IPO8: variants seen among roughly 807,000 people sequenced by gnomAD.
IPO8 encodes the protein importin 8, also known as importin-8.
Under a neutral mutation model 141.2 loss-of-function variants are expected in IPO8, and 65 were observed. That is an observed-to-expected ratio of 0.46 (90% CI 0.38 to 0.57). The LOEUF (loss-of-function observed/expected upper bound fraction) is 0.57, where lower values mean the gene tolerates loss of function less well. IPO8 is among the 20% of genes least tolerant of loss of function. IPO8 has a pLI of 0.00. For synonymous variants in IPO8, 411 were observed against 420.3 expected (o/e 0.98, Z 0.27); for missense variants, 980 against 1,246.8 (o/e 0.79, Z 3.22).
At chr12:30,689,141 T>C (rs986165068) in intron 2 of IPO8, among the ~76,000 whole-genome samples, 4 of 152,052 alleles carry the variant, frequency 2.6e-5, no homozygotes, top group African/African-American at 9.7e-5. Context: ...AAAAAAAGAA[T>C]TGGAGAGCCA....
At chr12:30,665,371 T>C (rs1034630816) in intron 12 of IPO8, 62 bp from the exon 13 acceptor site, 10 of 945,528 alleles carry the variant, frequency 1.1e-5, no homozygotes, top group African/African-American at 3.3e-5. Flanking sequence ...CACTTCCTAA[T>C]CAAGTGTGTT....
At chr12:30,650,654 G>A (rs530891212) in intron 19 of IPO8, among the ~76,000 whole-genome samples, 6 of 152,070 alleles carry the variant, frequency 3.9e-5, no homozygotes, top group African/African-American at 7.2e-5. Context: ...TCATGGGGTC[G>A]TATGATACAA....
At position 30,681,769 on chromosome 12, in the gene IPO8, A is replaced by G. The variant is rs200435990; in HGVS notation, c.372T>C (p.Pro124=). The part of the protein sequence containing the change: ...CLRAIIKHDF[P]GHWPGVVDKI... ...TGTCGACCACTCCTGGCCAGTGACC[A>G]GGAAAATCATGTTTTATGATGGCAC... Residue 124 remains proline, a synonymous_variant, in exon 4 of 25, where the codon CCT becomes CCC. Transcript: ENST00000256079. The G allele has an allele frequency of 6.2e-7, 1 of 1,613,788 alleles. No individual in the cohort carries two copies. Among genetic ancestry groups the G allele is most frequent in the East Asian group, 2.2e-5 (1 of 44,862 alleles).
chr12:30,695,677 G>A lies in IPO8; in HGVS notation c.-30C>T, dbSNP rs771399063. On this transcript the variant is annotated 5_prime_UTR_variant, in exon 1 of 25. Transcript: ENST00000256079. The surrounding 1 kb of genome is among the most constrained non-coding windows in gnomAD (Gnocchi z 4.2). ...CCGGGTGGGGGCTCCGCGGCCCCCG[G>A]AACAGTAGGCCGGACTGCAGCTTTA... 1 of 1,597,472 alleles carries A rather than the reference G, an allele frequency of 6.3e-7. No homozygotes were observed. The highest frequency in any genetic ancestry group is 8.6e-7 in the Non-Finnish European group (1 of 1,165,342).
intron 2 of IPO8, among the ~76,000 whole-genome samples, chr12:30,685,466 G>A (rs1378294968): frequency 1.3e-5 from 2 of 151,450 alleles, no homozygotes; most frequent in African/African-American, 4.9e-5. Flanking sequence ...AACCATCCCA[G>A]TTGAACAGTG....
chr12:30,637,297 T>C (rs1328747396), intron 21 of IPO8, 110 bp from the exon 22 acceptor site: 5 of 796,696 alleles, frequency 6.3e-6, no homozygotes, highest in African/African-American at 5.2e-5. Context: ...GGTTCATCTG[T>C]TGGTATCATA....
chr12:30,647,365 G>A (rs768959248), intron 20 of IPO8, among the ~76,000 whole-genome samples: 3 of 152,044 alleles, frequency 2.0e-5, no homozygotes, highest in Non-Finnish European at 2.9e-5. Context: ...GAACAAAAGA[G>A]GATAAATCTT....
At chr12:30,635,320 A>C (rs1483598520) in intron 22 of IPO8, among the ~76,000 whole-genome samples, 1 of 152,108 alleles carries the variant, frequency 6.6e-6, no homozygotes, top group Non-Finnish European at 1.5e-5. Context: ...GTAAATTTCA[A>C]ATGTTCCCAC....
chr12:30,631,002 C>T (rs779542756), intron 24 of IPO8, 45 bp from the exon 25 acceptor site: 4 of 1,467,226 alleles, frequency 2.7e-6, no homozygotes, highest in Non-Finnish European at 2.8e-6. Context: ...AAAAAGAATG[C>T]TTAAGGTGAC....
chr12:30,632,771 C>T (rs1162002018), intron 23 of IPO8, among the ~76,000 whole-genome samples: 3 of 152,192 alleles, frequency 2.0e-5, no homozygotes, highest in Non-Finnish European at 2.9e-5. Flanking sequence ...GGTAACTCCC[C>T]TGAAGTGAAT....
chr12:30,692,675 C>T (rs939851177), intron 1 of IPO8, among the ~76,000 whole-genome samples: 4 of 152,146 alleles, frequency 2.6e-5, no homozygotes, highest in Non-Finnish European at 5.9e-5. Flanking sequence ...CTGCATTAAC[C>T]TTTCTAGTCC....
chr12:30,631,732 G>A, intron 24 of IPO8, 163 bp downstream of exon 24: 1 of 580,466 alleles, frequency 1.7e-6, no homozygotes, highest in Non-Finnish European at 3.1e-6. Context: ...GACATCATGA[G>A]TGATTAAAAC....
At position 30,637,090 on chromosome 12, in the gene IPO8, G is replaced by A. The variant is rs1359326840; in HGVS notation, c.2587C>T (p.Pro863Ser). Reference sequence around the variant, plus strand: ...CCAAGGAAAAGGAAAAGAATTGAGGGAACAATCTGTCCCACCACAGCATCT... The same window carrying A: ...CCAAGGAAAAGGAAAAGAATTGAGGAAACAATCTGTCCCACCACAGCATCT... ...AVDAVVGQIV[P>S]SILFLFLGLK... Residue 863 changes from proline to serine, a missense_variant, in exon 22 of 25, where the codon CCC (proline) becomes TCC (serine). Transcript: ENST00000256079. The A allele has an allele frequency of 6.2e-7, 1 of 1,613,426 alleles. No individual in the cohort carries two copies. The highest frequency in any genetic ancestry group is 1.1e-5 in the South Asian group (1 of 91,064).
At chr12:30,679,244 C>T (rs1233106627) in intron 5 of IPO8, among the ~76,000 whole-genome samples, 2 of 152,108 alleles carry the variant, frequency 1.3e-5, no homozygotes, top group Non-Finnish European at 2.9e-5. Flanking sequence ...ATTTCTACTT[C>T]CCAGAGGAGA....
chr12:30,632,977 C>T (rs1278377573), intron 23 of IPO8, among the ~76,000 whole-genome samples: 2 of 152,188 alleles, frequency 1.3e-5, no homozygotes, highest in East Asian at 3.8e-4. Flanking sequence ...TTTAAAAATA[C>T]ATCTCCTGAG....
intron 5 of IPO8, among the ~76,000 whole-genome samples, chr12:30,680,013 A>G (rs2053167864): frequency 1.3e-5 from 2 of 152,072 alleles, no homozygotes; most frequent in African/African-American, 4.8e-5. Flanking sequence ...AGTATTTTAA[A>G]CCAAGGAAAA....
At chr12:30,684,782 C>CA (rs1418554955) in intron 2 of IPO8, among the ~76,000 whole-genome samples, 2 of 152,172 alleles carry the variant, frequency 1.3e-5, no homozygotes, top group Non-Finnish European at 2.9e-5. Flanking sequence ...TCTGAGGTGA[C>CA]AACAGGTAAA....
At chr12:30,687,509 T>C (rs984612540) in intron 2 of IPO8, among the ~76,000 whole-genome samples, 1 of 152,114 alleles carries the variant, frequency 6.6e-6, no homozygotes, top group Non-Finnish European at 1.5e-5. Flanking sequence ...GTTATCTCGG[T>C]GGGCAGAATG....
intron 19 of IPO8, 31 bp downstream of exon 19, chr12:30,652,161 C>T (rs748284758): frequency 1.6e-6 from 2 of 1,266,962 alleles, no homozygotes; most frequent in South Asian, 2.5e-5. Flanking sequence ...TAGTTAAGAA[C>T]CACTGAAACA....
Sources: allele counts gnomAD v4.1 joint callset (sites outside exome capture counted in the v4.1 genomes callset), GRCh38; gene constraint gnomAD v4.1.1; non-coding constraint Gnocchi (gnomAD v3.1); transcripts MANE v1.5; gene names NCBI Gene and HGNC (gene_info 2026-07-23, HGNC 2026-07-21).